The following ZBTB20 variants were observed in gnomAD, a reference collection of about 807,000 sequenced individuals.
ZBTB20 encodes zinc finger and BTB domain-containing protein 20.
A neutral mutation model predicts 56.9 loss-of-function variants in ZBTB20; 9 were observed. That is an observed-to-expected ratio of 0.16 (90% CI 0.10 to 0.28). ZBTB20 has a LOEUF of 0.28. ZBTB20 is among the 10% of genes least tolerant of loss of function. ZBTB20 has a pLI of 1.00. For missense variants in ZBTB20, 655 were observed against 1,003.0 expected (o/e 0.65, Z 4.69); for synonymous variants, 417 against 420.7 (o/e 0.99, Z 0.11).
intron 4 of ZBTB20, among the ~76,000 whole-genome samples, chr3:114,877,256 C>A (rs1184507634): frequency 6.6e-6 from 1 of 152,158 alleles, no homozygotes; most frequent in Non-Finnish European, 1.5e-5. Flanking sequence ...CTAGTAAATA[C>A]TAGGCATTGT....
At chr3:114,607,284 A>G (rs2057238745) in intron 6 of ZBTB20, among the ~76,000 whole-genome samples, 1 of 147,574 alleles carries the variant, frequency 6.8e-6, no homozygotes, top group Non-Finnish European at 1.5e-5. Context: ...AACTAGAAAA[A>G]GCATAAAACT....
rs142370358 is a variant in ZBTB20, at chr3:114,502,330, T to C, written c.-294-1939A>G. Among the ~76,000 whole-genome samples, 129 of 152,312 alleles carry C rather than the reference T, an allele frequency of 8.5e-4. 1 individual carries two copies. The highest frequency in any genetic ancestry group is 3.1e-3 in the African/African-American group (129 of 41,572). On this transcript the variant is annotated intron_variant, in intron 6 of 11. Coordinates refer to ENST00000675478, the MANE Select transcript of ZBTB20 (RefSeq NM_001348800.3). Reference sequence around the variant, plus strand: ...CAGCAATTAAAGACATCACCCTTCCTGGAAAGTTTCTGGGACAACTGCACT... The same window carrying C: ...CAGCAATTAAAGACATCACCCTTCCCGGAAAGTTTCTGGGACAACTGCACT...
At position 114,330,434 on chromosome 3, in the gene ZBTB20, A is replaced by G. The variant is rs1023594602; in HGVS notation, c.*8571T>C. On this transcript the variant is annotated 3_prime_UTR_variant, in exon 12 of 12. Coordinates refer to ENST00000675478, the MANE Select transcript of ZBTB20 (RefSeq NM_001348800.3). ...ATATAATGTGTATGTCCTAGGTTTC[A>G]GAAATACTGCAATGTAGTGTATTGT... 6.6e-6 allele frequency: 1 copy of G among 152,248 alleles called. No homozygotes were observed. Among genetic ancestry groups the G allele is most frequent in the African/African-American group, 2.4e-5 (1 of 41,468 alleles). 9.4% of individuals were successfully genotyped at this position (152,248 alleles called of 1,614,324 possible).
At chr3:114,646,233 T>G (rs1266079510) in intron 6 of ZBTB20, among the ~76,000 whole-genome samples, 1 of 151,856 alleles carries the variant, frequency 6.6e-6, no homozygotes, top group Admixed American at 6.6e-5. Flanking sequence ...AACCCTGTCC[T>G]TGATGCCCTC....
At chr3:114,553,909 C>T (rs934929755) in intron 6 of ZBTB20, among the ~76,000 whole-genome samples, 1 of 152,012 alleles carries the variant, frequency 6.6e-6, no homozygotes, top group Non-Finnish European at 1.5e-5. Context: ...AGTCAGTAAC[C>T]CTAAAAATCT....
chr3:114,530,408 G>T (rs9876894), intron 6 of ZBTB20, among the ~76,000 whole-genome samples: 46 of 151,978 alleles, frequency 3.0e-4, no homozygotes, highest in Admixed American at 1.3e-4. Flanking sequence ...AAAAGCAATA[G>T]GCTATATCAT....
At chr3:114,976,288 A>G (rs775784145) in intron 2 of ZBTB20, among the ~76,000 whole-genome samples, 1 of 152,200 alleles carries the variant, frequency 6.6e-6, no homozygotes, top group Non-Finnish European at 1.5e-5. Context: ...CGTAAGAATA[A>G]TAAGAAACCT....
intron 6 of ZBTB20, among the ~76,000 whole-genome samples, chr3:114,545,513 C>T (rs574993712): frequency 3.5e-4 from 53 of 152,278 alleles, no homozygotes; most frequent in African/African-American, 1.1e-3. Context: ...CACTTGATCA[C>T]TTTAAGCAAC....
At position 114,763,726 on chromosome 3, in the gene ZBTB20, C is replaced by A. The variant is rs556056820; in HGVS notation, c.-343+37375G>T. On this transcript the variant is annotated intron_variant, in intron 5 of 11. Coordinates refer to ENST00000675478, the MANE Select transcript of ZBTB20 (RefSeq NM_001348800.3). ...AGATTTCAACAAAATGTCATACATG[C>A]AAGTGAGGTGATGAATATATTAATT... Among the ~76,000 whole-genome samples the A allele has an allele frequency of 1.2e-4, 18 of 151,976 alleles. No homozygotes were observed. In the South Asian group the frequency reaches 1.9e-3, roughly 16 times the overall value.
rs2079231643 is a variant in ZBTB20 at position 114,331,026 on chromosome 3, G to A, written c.*7979C>T. 1 of 152,188 alleles carries A rather than the reference G, an allele frequency of 6.6e-6. No homozygotes were observed. The highest frequency in any genetic ancestry group is 2.4e-5 in the African/African-American group (1 of 41,442). The allele number at this position is 152,188 out of a possible 1,614,324, so 9.4% of individuals were successfully genotyped here. A position where few individuals can be genotyped will look rare whatever the true frequency, so the allele number is the denominator to read the frequency against. On this transcript the variant is annotated 3_prime_UTR_variant, in exon 12 of 12. Transcript: ENST00000675478. ...TTTGGCAAAGGCCACATTGGTTTCA[G>A]GAGACACAGTTTGTGAATTACGATG...
Position 115,016,658 on chromosome 3 carries a change from C to T in ZBTB20, c.-506-42242G>A, listed in dbSNP as rs150184578. ...TCATTTCTGAGTTCTCTATTCTGTT[C>T]CATGGGTCTATGTGTCTGTTTTTGT... On this transcript the variant is annotated intron_variant, in intron 2 of 11. Transcript: ENST00000675478. Among the ~76,000 whole-genome samples the T allele has an allele frequency of 1.2e-3, 175 of 151,862 alleles. 1 individual carries two copies. In the East Asian group the frequency reaches 0.03, roughly 26 times the overall value.
rs1303645106 is a variant in ZBTB20, at chr3:114,350,773, T to A, written c.1305A>T (p.Arg435Ser). The A allele has an allele frequency of 6.2e-7, 1 of 1,613,950 alleles. No individual in the cohort carries two copies. The highest frequency in any genetic ancestry group is 8.5e-7 in the Non-Finnish European group (1 of 1,180,002). Reference sequence around the variant, plus strand: ...TGCTGTCCATCTCCACTTCATTGCTTCTCTCCGGAGAGGAAGCACCTGTTT... The same window carrying A: ...TGCTGTCCATCTCCACTTCATTGCTACTCTCCGGAGAGGAAGCACCTGTTT... The part of the protein sequence containing the change: ...QLETGASSPE[R>S]SNEVEMDSTV... The change falls in exon 11 of 12, where the codon AGA becomes AGT. Residue 435 changes from arginine to serine, a missense_variant. Arg to Ser is a moderately radical substitution (Grantham distance 110). This residue lies in a region of ZBTB20 where 156 missense variants were observed against 181.0 expected (regional missense o/e 0.86). Coordinates refer to ENST00000675478, the MANE Select transcript of ZBTB20 (RefSeq NM_001348800.3).
chr3:114,991,606 G>T (rs1276265099), intron 2 of ZBTB20, among the ~76,000 whole-genome samples: 1 of 152,096 alleles, frequency 6.6e-6, no homozygotes, highest in Non-Finnish European at 1.5e-5. Flanking sequence ...GAGTTCTGTA[G>T]ATGTCTATTA....
rs548837803 is a variant in ZBTB20, at chr3:114,953,960, G to A, written c.-456+20406C>T. Among the ~76,000 whole-genome samples, 7 of 152,216 alleles carry A rather than the reference G, an allele frequency of 4.6e-5. No individual in the cohort carries two copies. The East Asian group carries it at 1.3e-3, about 29-fold the overall frequency. ...ATATAGCCAACTACAGTTTTCGTAA[G>A]AGTAATGGTTACTTCTTCAGAGATA... On this transcript the variant is annotated intron_variant, in intron 3 of 11. Transcript: ENST00000675478.
intron 5 of ZBTB20, among the ~76,000 whole-genome samples, chr3:114,766,100 G>T (rs1050294898): frequency 7.9e-5 from 12 of 152,110 alleles, no homozygotes; most frequent in Admixed American, 6.5e-4. Context: ...AATAAATGGG[G>T]TTTGAATCTA....
chr3:114,918,225 T>C (rs537281648), intron 3 of ZBTB20, among the ~76,000 whole-genome samples: 5 of 152,236 alleles, frequency 3.3e-5, no homozygotes, highest in Non-Finnish European at 7.4e-5. Context: ...TTGTGGTGAA[T>C]GCTGCCAGGC....
intron 2 of ZBTB20, among the ~76,000 whole-genome samples, chr3:115,068,642 A>C (rs1450842075): frequency 6.6e-6 from 1 of 152,094 alleles, no homozygotes; most frequent in Non-Finnish European, 1.5e-5. Flanking sequence ...GTAAAGATAG[A>C]CTATAATCTG....
chr3:114,641,904 T>G (rs376447669), intron 6 of ZBTB20, among the ~76,000 whole-genome samples: 1 of 152,076 alleles, frequency 6.6e-6, no homozygotes, highest in Non-Finnish European at 1.5e-5. Context: ...CTTTAAAACT[T>G]TGAAGTAATT....
intron 6 of ZBTB20, among the ~76,000 whole-genome samples, chr3:114,606,206 T>C (rs2057137557): frequency 6.6e-6 from 1 of 152,178 alleles, no homozygotes; most frequent in South Asian, 2.1e-4. Context: ...TCTGGAAGCA[T>C]GGTTCTTTCC....
Sources: allele counts gnomAD v4.1 joint callset (sites outside exome capture counted in the v4.1 genomes callset), GRCh38; gene constraint gnomAD v4.1.1; regional missense constraint gnomAD v4.1.1; transcripts MANE v1.5; gene names NCBI Gene and HGNC (gene_info 2026-07-23, HGNC 2026-07-21).